Variants in SPDYE3 observed in about 807,000 individuals in gnomAD.
SPDYE3 encodes the protein speedy/RINGO cell cycle regulator family member E3.
Under a neutral mutation model 55.0 loss-of-function variants are expected in SPDYE3, and 15 were observed. The ratio of observed to expected loss-of-function variants is 0.27; its 90% CI spans 0.18 to 0.42. The LOEUF is 0.42. Among genes scored for constraint, SPDYE3 ranks in the 10% least tolerant of loss-of-function variants. The pLI, the probability that SPDYE3 is intolerant of heterozygous loss-of-function variation, is 1.00. For synonymous variants in SPDYE3, 89 were observed against 229.9 expected (o/e 0.39, Z 5.55); for missense variants, 236 against 576.7 (o/e 0.41, Z 6.05).
intron 1 of SPDYE3, among the ~76,000 whole-genome samples, chr7:100,308,565 T>A (rs1805883510): frequency 6.6e-6 from 1 of 151,538 alleles, no homozygotes; most frequent in African/African-American, 2.4e-5. Flanking sequence ...AAAATTGAGC[T>A]GGGCATTATG....
At chr7:100,316,718 GCA>G (rs1806113463) in intron 7 of SPDYE3, among the ~76,000 whole-genome samples, 4 of 152,092 alleles carry the variant, frequency 2.6e-5, no homozygotes, top group Non-Finnish European at 5.9e-5. Context: ...CCGTCTGGCT[GCA>G]GTCCTGAAGC....
chr7:100,320,528 G>C, intron 10 of SPDYE3: 3 of 963,642 alleles, frequency 3.1e-6, no homozygotes, highest in African/African-American at 1.8e-5. Flanking sequence ...ATTAGAAACA[G>C]ATCTAGCACA....
In SPDYE3 at chr7:100,315,750, T is replaced by C. The variant is rs182676881; in HGVS notation, c.1202-35T>C. 453 of 1,597,994 alleles carry C rather than the reference T, an allele frequency of 2.8e-4. 3 individuals carry two copies. In the African/African-American group the frequency reaches 5.4e-3, roughly 19 times the overall value. On this transcript the variant is annotated intron_variant, in intron 6 of 10. Coordinates refer to ENST00000332397, the MANE Select transcript of SPDYE3 (RefSeq NM_001004351.5). Reference sequence around the variant, plus strand: ...TGCTGCTCCCATGGAAACCCTGTCCTGCTTCTCACGCTGACATCTGCTCTC... The same window carrying C: ...TGCTGCTCCCATGGAAACCCTGTCCCGCTTCTCACGCTGACATCTGCTCTC...
chr7:100,319,538 G>A, intron 8 of SPDYE3, 27 bp from the exon 9 acceptor site: 1 of 1,614,026 alleles, frequency 6.2e-7, no homozygotes. Context: ...TGGTGCCCCT[G>A]AGCAGCAACC....
intron 9 of SPDYE3, 61 bp downstream of exon 9, chr7:100,319,869 C>G: frequency 1.9e-6 from 3 of 1,612,886 alleles, no homozygotes; most frequent in Non-Finnish European, 2.5e-6. Flanking sequence ...GGAGGCTGGA[C>G]GAGGGGAGAG....
At chr7:100,318,070 T>C (rs1297650398) in intron 8 of SPDYE3, among the ~76,000 whole-genome samples, 4 of 151,282 alleles carry the variant, frequency 2.6e-5, no homozygotes, top group African/African-American at 9.7e-5. Context: ...GACATGACAC[T>C]TCCCCCAGCA....
intron 1 of SPDYE3, 99 bp from the exon 2 acceptor site, chr7:100,308,873 TGA>T (rs1220497119): frequency 3.5e-5 from 21 of 592,382 alleles, no homozygotes; most frequent in Admixed American, 6.0e-5. Flanking sequence ...GCCAGCAGTC[TGA>T]GAGGCTGGGG....
Position 100,321,739 on chromosome 7 carries a change from C to T in SPDYE3, c.*894C>T, listed in dbSNP as rs1789584111. ...AACATGTCTTAGATATATATACTAA[C>T]ATGTCTAATATATACTATCTATTTT... On this transcript the variant is annotated 3_prime_UTR_variant, in exon 11 of 11. Transcript: ENST00000332397. 1 of 150,288 alleles carries T rather than the reference C, an allele frequency of 6.7e-6. No individual in the cohort carries two copies. The highest frequency in any genetic ancestry group is 1.5e-5 in the Non-Finnish European group (1 of 67,634). 9.3% of individuals were successfully genotyped at this position (150,288 alleles called of 1,614,324 possible). A position where few individuals can be genotyped will look rare whatever the true frequency, so the allele number is the denominator to read the frequency against.
At chr7:100,308,323 G>A (rs1275713143) in intron 1 of SPDYE3, among the ~76,000 whole-genome samples, 5 of 135,522 alleles carry the variant, frequency 3.7e-5, no homozygotes, top group Admixed American at 2.3e-4. Flanking sequence ...AGAGTGAGAC[G>A]CTGTCTCAAA....
chr7:100,320,693 T>C, intron 10 of SPDYE3, 198 bp from the exon 11 acceptor site: 1 of 1,075,904 alleles, frequency 9.3e-7, no homozygotes, highest in Non-Finnish European at 1.2e-6. Context: ...TATTAAGTTT[T>C]GGAGTCAGGG....
In SPDYE3 at chr7:100,319,732, T is replaced by G; in HGVS notation, c.1514T>G (p.Leu505Trp). The stretch of plus-strand genomic sequence containing the variant: ...AGGAAGAACTGCTCTCAGATAGCCT[T>G]GTTCCAGAAGCGTCGGTTCCAGTTC... Reference protein sequence around the residue: ...RARKNCSQIALFQKRRFQFFC... With the variant: ...RARKNCSQIAWFQKRRFQFFC... The change falls in exon 9 of 11, where the codon TTG becomes TGG. Residue 505 changes from leucine to tryptophan, a missense_variant. By Grantham distance (61) the Leu-to-Trp change is moderately conservative. Coordinates refer to ENST00000332397, the MANE Select transcript of SPDYE3 (RefSeq NM_001004351.5). The G allele has an allele frequency of 6.2e-7, 1 of 1,614,222 alleles. No homozygotes were observed. The highest frequency in any genetic ancestry group is 1.1e-5 in the South Asian group (1 of 91,090).
Position 100,311,871 on chromosome 7 carries a change from G to T in SPDYE3, c.666G>T (p.Trp222Cys). The change falls in exon 4 of 11, where the codon TGG (tryptophan) becomes TGT (cysteine). Residue 222 changes from tryptophan (W) to cysteine (C), a missense_variant. By Grantham distance (215) the Trp-to-Cys change is radical. Coordinates refer to ENST00000332397, the MANE Select transcript of SPDYE3 (RefSeq NM_001004351.5). ...TCGCCCCTGAGCCTGAGGAGACCTGGGTGGCAGAGACGCTGTGTGGCCTCA... is the reference window on the plus strand; with the variant it reads ...TCGCCCCTGAGCCTGAGGAGACCTGTGTGGCAGAGACGCTGTGTGGCCTCA... ...KELAPEPEET[W>C]VAETLCGLKM... The T allele has an allele frequency of 6.6e-7, 1 of 1,504,564 alleles. No homozygotes were observed. The highest frequency in any genetic ancestry group is 1.1e-5 in the South Asian group (1 of 87,846). The allele number at this position is 1,504,564 out of a possible 1,614,324, so 93.2% of individuals were successfully genotyped here.
At chr7:100,316,292 G>A (rs1338364813) in intron 7 of SPDYE3, among the ~76,000 whole-genome samples, 2 of 151,996 alleles carry the variant, frequency 1.3e-5, no homozygotes, top group Non-Finnish European at 2.9e-5. Context: ...CTTGAGTCTT[G>A]GCACCCACAC....
chr7:100,308,399 G>C (rs1367606860), intron 1 of SPDYE3, among the ~76,000 whole-genome samples: 1 of 151,182 alleles, frequency 6.6e-6, no homozygotes, highest in Non-Finnish European at 1.5e-5. Context: ...AACCTGGGGA[G>C]GGTGTGTGGG....
rs961544260 is a variant in SPDYE3, at chr7:100,312,971, G to A, written c.764-169G>A. ...ACAGAGAGAGGGAAGAATGGGGAGGGGAAGGAGTGGCACATGGGGTTGAGC... is the reference window on the plus strand; with the variant it reads ...ACAGAGAGAGGGAAGAATGGGGAGGAGAAGGAGTGGCACATGGGGTTGAGC... On this transcript the variant is annotated intron_variant, in intron 4 of 10. Transcript: ENST00000332397. 1.5e-4 allele frequency among the ~76,000 whole-genome samples: 23 copies of A among 148,996 alleles called. 1 individual carries two copies. In the East Asian group the frequency reaches 3.9e-3, roughly 25 times the overall value.
At chr7:100,319,829 T>G in intron 9 of SPDYE3, 21 bp downstream of exon 9, 2 of 1,605,890 alleles carry the variant, frequency 1.2e-6, no homozygotes, top group Admixed American at 1.7e-5. Context: ...CCTGGGGAGG[T>G]GGAGGATGTG....
chr7:100,316,318 A>G, intron 7 of SPDYE3, among the ~76,000 whole-genome samples: 1 of 151,842 alleles, frequency 6.6e-6, no homozygotes, highest in East Asian at 1.9e-4. Flanking sequence ...TTTTTCTGAG[A>G]CAGAGTCCAG....
At chr7:100,311,577 G>T (rs1805958070) in intron 3 of SPDYE3, among the ~76,000 whole-genome samples, 173 bp from the exon 4 acceptor site, 1 of 139,032 alleles carries the variant, frequency 7.2e-6, no homozygotes, top group South Asian at 2.2e-4. Flanking sequence ...GAAGAATGGG[G>T]AGGGGAAGGA....
intron 7 of SPDYE3, among the ~76,000 whole-genome samples, chr7:100,316,201 CCTCA>C (rs2129971286): frequency 6.6e-6 from 1 of 152,266 alleles, no homozygotes; most frequent in African/African-American, 2.4e-5. Context: ...GAACACCTGA[CCTCA>C]GGTGATCCAC....
Sources: gnomAD v4.1 joint callset for allele counts (sites outside exome capture counted in the v4.1 genomes callset) on GRCh38, gnomAD v4.1.1 for gene constraint, MANE v1.5 for transcripts, NCBI Gene and HGNC (gene_info 2026-07-23, HGNC 2026-07-21) for gene names.